Variants in FBXL20 observed in about 807,000 individuals in gnomAD.
FBXL20 encodes the protein F-box and leucine rich repeat protein 20.
Under a neutral mutation model 64.0 loss-of-function variants are expected in FBXL20, and 11 were observed. The observed-to-expected ratio is 0.17, with a 90% CI of 0.11 to 0.28. FBXL20 has a LOEUF of 0.28. FBXL20 is among the 10% of genes least tolerant of loss of function. FBXL20 has a pLI of 1.00. For missense variants in FBXL20, 303 were observed against 526.2 expected (o/e 0.58, Z 4.15); for synonymous variants, 184 against 189.0 (o/e 0.97, Z 0.22).
At chr17:39,276,221 GAAAAAAAAA>G (rs1215336803) in intron 9 of FBXL20, among the ~76,000 whole-genome samples, 1 of 60,570 alleles carries the variant, frequency 1.7e-5, no homozygotes, top group Non-Finnish European at 3.1e-5. Context: ...AGCAAGAAAA[GAAAAAAAAA>G]AAAAAAAAAA....
chr17:39,368,907 G>A (rs768357173), intron 1 of FBXL20, among the ~76,000 whole-genome samples: 15 of 151,850 alleles, frequency 9.9e-5, no homozygotes, highest in Non-Finnish European at 1.9e-4. Flanking sequence ...TGCCCACTTC[G>A]GCCTCCCAAA....
intron 6 of FBXL20, among the ~76,000 whole-genome samples, chr17:39,292,752 T>C (rs1231325251): frequency 6.6e-6 from 1 of 152,044 alleles, no homozygotes; most frequent in Non-Finnish European, 1.5e-5. Flanking sequence ...TCTTTTGGTT[T>C]TGGGTCACAT....
intron 2 of FBXL20, among the ~76,000 whole-genome samples, chr17:39,315,680 A>G (rs1483374899): frequency 1.3e-5 from 2 of 151,930 alleles, no homozygotes; most frequent in Admixed American, 6.6e-5. Context: ...TAAGGTGAGA[A>G]GGGCATCCAC....
intron 4 of FBXL20, among the ~76,000 whole-genome samples, chr17:39,299,678 G>A (rs558222619): frequency 6.6e-6 from 1 of 152,334 alleles, no homozygotes; most frequent in South Asian, 2.1e-4. Flanking sequence ...CTACTCGGGA[G>A]GCTGAGGCAG....
Position 39,264,340 on chromosome 17 carries a change from C to T in FBXL20, c.1038G>A (p.Leu346=). 1 of 1,614,012 alleles carries T rather than the reference C, an allele frequency of 6.2e-7. No homozygotes were observed. The highest frequency in any genetic ancestry group is 8.5e-7 in the Non-Finnish European group (1 of 1,180,042). ...GGTCATGGGCGCAGGCCCCATTCCC[C>T]AGGTGACGAATTCCATCATCTGTGA... The part of the protein sequence containing the change: ...ELITDDGIRH[L]GNGACAHDQL... Residue 346 remains leucine (L), a synonymous_variant, in exon 14 of 15, where the codon CTG becomes CTA. Coordinates refer to ENST00000264658, the MANE Select transcript of FBXL20 (RefSeq NM_032875.3).
chr17:39,322,869 A>G (rs2047370794), intron 2 of FBXL20, among the ~76,000 whole-genome samples: 1 of 151,988 alleles, frequency 6.6e-6, no homozygotes, highest in African/African-American at 2.4e-5. Context: ...CAGTGGTGCA[A>G]TCTCGGCTCA....
At chr17:39,390,167 G>A (rs2048121013) in intron 1 of FBXL20, among the ~76,000 whole-genome samples, 1 of 152,180 alleles carries the variant, frequency 6.6e-6, no homozygotes. Context: ...GCTGGGTGCA[G>A]TGGCTCATAC....
At chr17:39,382,619 G>T (rs1444283719) in intron 1 of FBXL20, among the ~76,000 whole-genome samples, 1 of 152,068 alleles carries the variant, frequency 6.6e-6, no homozygotes, top group Non-Finnish European at 1.5e-5. Context: ...GATCACTTGA[G>T]GCCAGGAGTT....
At chr17:39,296,076 A>T (rs1224262975) in intron 6 of FBXL20, among the ~76,000 whole-genome samples, 1 of 152,148 alleles carries the variant, frequency 6.6e-6, no homozygotes, top group Non-Finnish European at 1.5e-5. Context: ...TGTTAATTAC[A>T]TGTCACTTTT....
At chr17:39,342,648 C>T (rs1455557907) in intron 2 of FBXL20, among the ~76,000 whole-genome samples, 3 of 152,030 alleles carry the variant, frequency 2.0e-5, no homozygotes. Context: ...ACCCAGGAGG[C>T]AGAGCTTGCA....
At chr17:39,377,842 C>T (rs1224220295) in intron 1 of FBXL20, among the ~76,000 whole-genome samples, 2 of 152,150 alleles carry the variant, frequency 1.3e-5, no homozygotes, top group African/African-American at 2.4e-5. Context: ...ATCTAGGCAG[C>T]GGGCAAGGTG....
At chr17:39,266,043 G>A (rs2144342543) in intron 12 of FBXL20, among the ~76,000 whole-genome samples, 1 of 148,816 alleles carries the variant, frequency 6.7e-6, no homozygotes, top group Non-Finnish European at 1.5e-5. Flanking sequence ...ACTGCATGTA[G>A]CAGCCCCATA....
chr17:39,277,096 A>G (rs2046904218), intron 9 of FBXL20, among the ~76,000 whole-genome samples: 1 of 152,228 alleles, frequency 6.6e-6, no homozygotes, highest in Non-Finnish European at 1.5e-5. Flanking sequence ...AACTGAAAAA[A>G]CAAAATCCCA....
chr17:39,369,749 C>T lies in FBXL20; in HGVS notation c.43-26508G>A, dbSNP rs961922724. Among the ~76,000 whole-genome samples the T allele has an allele frequency of 3.9e-5, 6 of 152,268 alleles. No individual in the cohort carries two copies. The East Asian group carries it at 1.2e-3, about 29-fold the overall frequency. ...AGGCTGGGCTCAAGCAATCCTCGCA[C>T]CTCAGCCTCCCCAGTAGCTGGGACC... On this transcript the variant is annotated intron_variant, in intron 1 of 14. Transcript: ENST00000264658.
intron 6 of FBXL20, among the ~76,000 whole-genome samples, chr17:39,290,574 CTTTTT>C (rs1263277390): frequency 6.6e-6 from 1 of 151,882 alleles, no homozygotes; most frequent in East Asian, 1.9e-4. Context: ...TGTCCACAAA[CTTTTT>C]TTTGAGACAG....
At chr17:39,306,867 G>T in intron 2 of FBXL20, among the ~76,000 whole-genome samples, 1 of 152,162 alleles carries the variant, frequency 6.6e-6, no homozygotes, top group Non-Finnish European at 1.5e-5. Context: ...AATAAGCTGG[G>T]AGGGTTAAGC....
At chr17:39,273,162 A>C (rs1266956367) in intron 10 of FBXL20, among the ~76,000 whole-genome samples, 1 of 151,880 alleles carries the variant, frequency 6.6e-6, no homozygotes, top group Non-Finnish European at 1.5e-5. Context: ...GGATTACAGG[A>C]GTGGGCCACC....
intron 2 of FBXL20, among the ~76,000 whole-genome samples, chr17:39,318,002 A>G (rs937580403): frequency 6.6e-5 from 10 of 151,976 alleles, no homozygotes; most frequent in African/African-American, 2.4e-4. Flanking sequence ...TCGCGGCCTC[A>G]CTTTCAAATT....
chr17:39,370,973 CT>C (rs1201585930), intron 1 of FBXL20, among the ~76,000 whole-genome samples: 1 of 152,114 alleles, frequency 6.6e-6, no homozygotes, highest in Non-Finnish European at 1.5e-5. Flanking sequence ...AATCCCAGCA[CT>C]TTTGGAGGCT....
Sources: gnomAD v4.1 joint callset for allele counts (sites outside exome capture counted in the v4.1 genomes callset) on GRCh38, gnomAD v4.1.1 for gene constraint, MANE v1.5 for transcripts, NCBI Gene and HGNC (gene_info 2026-07-23, HGNC 2026-07-21) for gene names.